AGBL4: variants seen among roughly 807,000 people sequenced by gnomAD.
The protein encoded by AGBL4 is cytosolic carboxypeptidase 6.
A neutral mutation model predicts 66.4 loss-of-function variants in AGBL4; 58 were observed. The observed-to-expected ratio is 0.87, with a 90% confidence interval of 0.71 to 1.09. The LOEUF (loss-of-function observed/expected upper bound fraction) is 1.09, where lower values mean the gene tolerates loss of function less well. Among genes scored for constraint, AGBL4 ranks in the 50% least tolerant of loss-of-function variants. AGBL4 has a pLI of 0.00. For missense variants in AGBL4, 579 were observed against 631.0 expected, an observed-to-expected ratio of 0.92 and a Z score of 0.88; for synonymous variants, 234 against 222.9, an observed-to-expected ratio of 1.05 and a Z score of -0.44.
chr1:48,751,211 C>A (rs1257611536), intron 6 of AGBL4, among the ~76,000 whole-genome samples: 1 of 152,188 alleles, frequency 6.6e-6, no homozygotes, highest in African/African-American at 2.4e-5. Flanking sequence ...GGCCATGTTG[C>A]CTGGTAAGGC....
At chr1:49,775,375 A>C (rs1237322735) in intron 2 of AGBL4, among the ~76,000 whole-genome samples, 1 of 152,122 alleles carries the variant, frequency 6.6e-6, no homozygotes, top group Non-Finnish European at 1.5e-5. Flanking sequence ...TACTAATTTA[A>C]ATTTTATCAA....
intron 3 of AGBL4, among the ~76,000 whole-genome samples, chr1:49,356,886 C>T (rs966058288): frequency 4.6e-5 from 7 of 152,178 alleles, no homozygotes; most frequent in Non-Finnish European, 1.0e-4. Context: ...AAACTCAAAT[C>T]TTAAAAACAA....
chr1:50,005,596 C>A (rs1661066900), intron 1 of AGBL4, among the ~76,000 whole-genome samples: 1 of 152,174 alleles, frequency 6.6e-6, no homozygotes, highest in African/African-American at 2.4e-5. Flanking sequence ...TGCCCATACA[C>A]CAACAAACAT....
intron 6 of AGBL4, chr1:48,759,448 G>C: frequency 7.8e-7 from 1 of 1,275,364 alleles, no homozygotes; most frequent in Non-Finnish European, 1.0e-6. Context: ...TTTATAAATG[G>C]GGAAACATTT....
At chr1:48,750,868 G>A (rs894076827) in intron 6 of AGBL4, among the ~76,000 whole-genome samples, 16 of 152,086 alleles carry the variant, frequency 1.1e-4, no homozygotes, top group Non-Finnish European at 1.8e-4. Context: ...GTTCCTTATA[G>A]GACTAAGGTC....
chr1:48,833,706 G>GAA (rs956439491), intron 6 of AGBL4, among the ~76,000 whole-genome samples: 1 of 152,150 alleles, frequency 6.6e-6, no homozygotes, highest in African/African-American at 2.4e-5. Flanking sequence ...TATACCAGGG[G>GAA]AAACACTGCC....
chr1:49,751,907 T>G (rs1449918642), intron 2 of AGBL4, among the ~76,000 whole-genome samples: 2 of 152,152 alleles, frequency 1.3e-5, no homozygotes, highest in African/African-American at 4.8e-5. Context: ...TGTATTTCAG[T>G]GGGATCAGTG....
At chr1:49,204,528 C>T (rs1647978017) in intron 4 of AGBL4, among the ~76,000 whole-genome samples, 1 of 152,138 alleles carries the variant, frequency 6.6e-6, no homozygotes, top group South Asian at 2.1e-4. Context: ...GATCCTCCCA[C>T]TTTGGCCTCC....
chr1:49,498,130 G>C (rs770572296), intron 3 of AGBL4, among the ~76,000 whole-genome samples: 5 of 151,712 alleles, frequency 3.3e-5, no homozygotes, highest in Non-Finnish European at 7.4e-5. Context: ...CTTTTTTGTA[G>C]ATGTTGTAAA....
At chr1:48,955,669 C>CAT (rs1260326265) in intron 5 of AGBL4, among the ~76,000 whole-genome samples, 6 of 152,300 alleles carry the variant, frequency 3.9e-5, no homozygotes, top group Non-Finnish European at 8.8e-5. Flanking sequence ...AGGCATGAGC[C>CAT]ACTATGCCTG....
intron 5 of AGBL4, among the ~76,000 whole-genome samples, chr1:49,007,047 GAGA>G (rs1357738147): frequency 1.0e-5 from 1 of 96,000 alleles, no homozygotes; most frequent in Non-Finnish European, 2.8e-5. Flanking sequence ...GACGAGCTGA[GAGA>G]AGAAGGCTTC....
At chr1:49,173,225 C>G (rs1454796733) in intron 4 of AGBL4, among the ~76,000 whole-genome samples, 1 of 152,078 alleles carries the variant, frequency 6.6e-6, no homozygotes, top group African/African-American at 2.4e-5. Context: ...TATTCAATGC[C>G]TATTACGTAT....
intron 3 of AGBL4, among the ~76,000 whole-genome samples, chr1:49,679,117 C>T (rs1392722083): frequency 6.6e-6 from 1 of 152,018 alleles, no homozygotes; most frequent in Non-Finnish European, 1.5e-5. Context: ...GATGTGTTAC[C>T]AGTTGTTGAG....
chr1:48,574,373 C>T (rs1024343048), intron 11 of AGBL4, among the ~76,000 whole-genome samples: 1 of 152,104 alleles, frequency 6.6e-6, no homozygotes, highest in Non-Finnish European at 1.5e-5. Context: ...GATAATAATA[C>T]TCATCTCTAC....
intron 1 of AGBL4, among the ~76,000 whole-genome samples, chr1:49,929,894 C>T (rs908992118): frequency 1.3e-5 from 2 of 152,046 alleles, no homozygotes; most frequent in African/African-American, 4.8e-5. Context: ...ATATGCTATA[C>T]ATGAAGTGGC....
At chr1:49,638,160 T>C (rs912019500) in intron 3 of AGBL4, among the ~76,000 whole-genome samples, 2 of 152,178 alleles carry the variant, frequency 1.3e-5, no homozygotes, top group Admixed American at 6.5e-5. Context: ...GATCCCAACA[T>C]CCCAACAGCC....
At chr1:48,866,900 G>A (rs754335862) in intron 6 of AGBL4, among the ~76,000 whole-genome samples, 8 of 152,118 alleles carry the variant, frequency 5.3e-5, no homozygotes, top group South Asian at 2.1e-4. Flanking sequence ...TCCTTGACAC[G>A]TGGGTCCAAT....
intron 2 of AGBL4, among the ~76,000 whole-genome samples, chr1:49,712,554 TTAA>T (rs1280191822): frequency 6.6e-6 from 1 of 151,864 alleles, no homozygotes; most frequent in East Asian, 1.9e-4. Flanking sequence ...AGGACTATAG[TTAA>T]TAATATTGCA....
chr1:50,019,259 A>T (rs1305969360), intron 1 of AGBL4, among the ~76,000 whole-genome samples: 1 of 127,458 alleles, frequency 7.8e-6, no homozygotes, highest in African/African-American at 3.0e-5. Context: ...TAGGAAAAAA[A>T]ATATTCTCTC....
Sources: allele counts gnomAD v4.1 joint callset (sites outside exome capture counted in the v4.1 genomes callset), GRCh38; gene constraint gnomAD v4.1.1; transcripts MANE v1.5; gene names NCBI Gene and HGNC (gene_info 2026-07-23, HGNC 2026-07-21).